Variants in PIWIL4 observed in about 807,000 individuals in gnomAD.
The protein encoded by PIWIL4 is piwi like RNA-mediated gene silencing 4.
Under a neutral mutation model 100.9 loss-of-function variants are expected in PIWIL4, and 50 were observed. The observed-to-expected ratio is 0.50, with a 90% CI of 0.39 to 0.63. The LOEUF (loss-of-function observed/expected upper bound fraction) is 0.63, where lower values mean the gene tolerates loss of function less well. Ranked by LOEUF, PIWIL4 falls within the 20% of genes least tolerant of loss-of-function variation. The pLI is 0.00. For missense variants in PIWIL4, 887 were observed against 1,043.3 expected, an observed-to-expected ratio of 0.85 and a Z score of 2.06; for synonymous variants, 342 against 367.5, an observed-to-expected ratio of 0.93 and a Z score of 0.79.
At chr11:94,616,936 A>G (rs962693872) in intron 16 of PIWIL4, among the ~76,000 whole-genome samples, 2 of 152,182 alleles carry the variant, frequency 1.3e-5, no homozygotes, top group Non-Finnish European at 2.9e-5. Context: ...AGGGGTGCTA[A>G]CAGATAAAGT....
At chr11:94,618,231 T>C (rs57878936) in intron 17 of PIWIL4, 124 bp downstream of exon 17, 34,406 of 968,436 alleles carry the variant, frequency 0.036, 1,607 homozygotes, top group East Asian at 0.19. Context: ...TGTGTTTCTG[T>C]ATCATGCCAG....
chr11:94,583,667 C>T (rs1948358183), intron 5 of PIWIL4, 98 bp downstream of exon 5: 4 of 1,508,264 alleles, frequency 2.7e-6, no homozygotes, highest in African/African-American at 1.4e-5. Context: ...GGCAGTGTGC[C>T]AGCAGTGATG....
chr11:94,610,397 C>T (rs1475433302), intron 15 of PIWIL4, among the ~76,000 whole-genome samples: 1 of 152,062 alleles, frequency 6.6e-6, no homozygotes, highest in Non-Finnish European at 1.5e-5. Context: ...AGTAGTTCTA[C>T]TTGAAATTTT....
chr11:94,576,652 A>G (rs1416070609), intron 3 of PIWIL4, among the ~76,000 whole-genome samples: 2 of 152,186 alleles, frequency 1.3e-5, no homozygotes, highest in Non-Finnish European at 2.9e-5. Flanking sequence ...GGAAGCACAC[A>G]TGGCCTCCAT....
At chr11:94,568,683 T>C (rs1288761978) in intron 1 of PIWIL4, 47 bp from the exon 2 acceptor site, 2 of 1,431,576 alleles carry the variant, frequency 1.4e-6, no homozygotes, top group Non-Finnish European at 2.0e-6. Context: ...TTTTGGTTTG[T>C]GACTTACCAT....
intron 4 of PIWIL4, among the ~76,000 whole-genome samples, chr11:94,579,566 C>G (rs902414322): frequency 6.6e-6 from 1 of 152,118 alleles, no homozygotes; most frequent in African/African-American, 2.4e-5. Flanking sequence ...TTTTTAGACT[C>G]TAGGTAAGTG....
In PIWIL4 at chr11:94,587,049, G is replaced by T; in HGVS notation, c.717-1G>T. ...CCTTTTTTTCTTTTTTGTTTTTAAA[G>T]ATTATCCCTTTGGCCTGGGTTTGCC... On this transcript the variant is annotated splice_acceptor_variant, in intron 6 of 19. Transcript: ENST00000299001. LOFTEE classifies it high-confidence loss of function. 6.2e-7 allele frequency: 1 copy of T among 1,604,054 alleles called. No homozygotes were observed.
chr11:94,611,254 T>G (rs1420527138), intron 15 of PIWIL4, among the ~76,000 whole-genome samples: 1 of 152,210 alleles, frequency 6.6e-6, no homozygotes, highest in Non-Finnish European at 1.5e-5. Flanking sequence ...CATTCTTACA[T>G]CCCAGGTATA....
intron 2 of PIWIL4, among the ~76,000 whole-genome samples, chr11:94,569,761 T>A (rs902709164): frequency 6.7e-6 from 1 of 149,680 alleles, no homozygotes; most frequent in Non-Finnish European, 1.5e-5. Context: ...AGCTAAATAA[T>A]GTGTACACAT....
At chr11:94,618,135 A>C in intron 17 of PIWIL4, 28 bp downstream of exon 17, 1 of 1,523,486 alleles carries the variant, frequency 6.6e-7, no homozygotes, top group Non-Finnish European at 8.8e-7. Flanking sequence ...TTTCCTCCAT[A>C]CTCCCAATTA....
chr11:94,620,403 T>C (rs1191902502), intron 19 of PIWIL4, among the ~76,000 whole-genome samples: 2 of 152,234 alleles, frequency 1.3e-5, no homozygotes, highest in Admixed American at 6.5e-5. Flanking sequence ...CTTTGTTATA[T>C]ACATTATCTT....
intron 15 of PIWIL4, among the ~76,000 whole-genome samples, chr11:94,614,072 T>C (rs1280893124): frequency 6.6e-6 from 1 of 151,784 alleles, no homozygotes; most frequent in Non-Finnish European, 1.5e-5. Flanking sequence ...TGCTTGGTTC[T>C]TTTTTAATTG....
intron 13 of PIWIL4, among the ~76,000 whole-genome samples, chr11:94,605,097 A>C (rs1243431441): frequency 1.3e-5 from 2 of 152,222 alleles, no homozygotes; most frequent in Non-Finnish European, 2.9e-5. Flanking sequence ...ATGATGCCCC[A>C]GTGCCCTTGA....
intron 1 of PIWIL4, 38 bp from the exon 2 acceptor site, chr11:94,568,692 A>G (rs1420234169): frequency 2.0e-6 from 3 of 1,479,058 alleles, no homozygotes; most frequent in Non-Finnish European, 2.8e-6. Flanking sequence ...GTGACTTACC[A>G]TTGTAAATCT....
chr11:94,607,364 A>G (rs1247210277), intron 13 of PIWIL4, 75 bp from the exon 14 acceptor site: 5 of 1,318,984 alleles, frequency 3.8e-6, no homozygotes, highest in Admixed American at 3.8e-5. Flanking sequence ...TAATTCATGA[A>G]TTCATTTCTT....
At chr11:94,570,883 A>C (rs2135232634) in intron 2 of PIWIL4, among the ~76,000 whole-genome samples, 1 of 152,306 alleles carries the variant, frequency 6.6e-6, no homozygotes, top group East Asian at 1.9e-4. Flanking sequence ...CAAGAGGGAA[A>C]TTTCATCTCA....
chr11:94,582,955 A>G (rs1384744969), intron 4 of PIWIL4, among the ~76,000 whole-genome samples: 2 of 152,124 alleles, frequency 1.3e-5, no homozygotes, highest in African/African-American at 4.8e-5. Context: ...GATGGGCAGG[A>G]CAGTCCACTA....
chr11:94,571,434 C>G (rs1052940385), intron 2 of PIWIL4, among the ~76,000 whole-genome samples: 7 of 152,144 alleles, frequency 4.6e-5, no homozygotes, highest in African/African-American at 1.2e-4. Flanking sequence ...ATCCCTGCCC[C>G]CTTCACCCAC....
At chr11:94,615,659 C>A (rs771094087) in intron 15 of PIWIL4, among the ~76,000 whole-genome samples, 5 of 152,086 alleles carry the variant, frequency 3.3e-5, no homozygotes, top group Non-Finnish European at 7.3e-5. Context: ...TGGGGTCTTG[C>A]TTTGTTGCCC....
Sources: allele counts gnomAD v4.1 joint callset (sites outside exome capture counted in the v4.1 genomes callset), GRCh38; gene constraint gnomAD v4.1.1; transcripts MANE v1.5; gene names NCBI Gene and HGNC (gene_info 2026-07-23, HGNC 2026-07-21).